SYTL5: variants seen among roughly 807,000 people sequenced by gnomAD.
SYTL5 encodes synaptotagmin like 5, also known as synaptotagmin-like protein 5.
In SYTL5, 34 loss-of-function variants were observed where a neutral mutation model predicts 55.9. That is an observed-to-expected ratio of 0.61 (90% CI 0.46 to 0.81). The LOEUF (loss-of-function observed/expected upper bound fraction) is 0.81, where lower values mean the gene tolerates loss of function less well. SYTL5 is among the 30% of genes least tolerant of loss of function. The pLI, the probability that SYTL5 is intolerant of heterozygous loss-of-function variation, is 0.00. For missense variants in SYTL5, 637 were observed against 546.7 expected (o/e 1.17, Z -1.65); for synonymous variants, 221 against 188.7 (o/e 1.17, Z -1.40).
At chrX:38,074,629 G>T (rs1043577072) in intron 5 of SYTL5, among the ~76,000 whole-genome samples, 21 of 111,694 alleles carry the variant, frequency 1.9e-4, no homozygotes, top group African/African-American at 6.5e-4. Context: ...AGTGTTAGAA[G>T]ATTTATCTGG....
the SYTL5 span, among the ~76,000 whole-genome samples, chrX:37,903,896 C>T: frequency 9.0e-6 from 1 of 110,864 alleles, no homozygotes; most frequent in African/African-American, 3.3e-5. Flanking sequence ...CCCACAGCAC[C>T]TTTGTACACA....
chrX:38,041,789 C>A (rs190209044), intron 2 of SYTL5, among the ~76,000 whole-genome samples: 66 of 112,041 alleles, frequency 5.9e-4, no homozygotes, highest in African/African-American at 2.0e-3. Flanking sequence ...TTGGATTGTC[C>A]AAATAAATAA....
the SYTL5 span, among the ~76,000 whole-genome samples, chrX:37,998,210 A>G: frequency 1.8e-5 from 2 of 112,637 alleles, no homozygotes; most frequent in African/African-American, 6.5e-5. Flanking sequence ...TGGTCACAAG[A>G]CAAGAACTCA....
chrX:37,962,697 C>A, the SYTL5 span, among the ~76,000 whole-genome samples: 5 of 112,006 alleles, frequency 4.5e-5, no homozygotes, highest in East Asian at 5.6e-4. Flanking sequence ...TCAACAGTGT[C>A]AAAGTGTTCC....
the SYTL5 span, among the ~76,000 whole-genome samples, chrX:37,966,436 C>CTTTTT: frequency 2.2e-4 from 17 of 78,147 alleles, no homozygotes; most frequent in Non-Finnish European, 3.1e-4. Flanking sequence ...TTTTCTTTTT[C>CTTTTT]TTTTTTTTTT....
intron 13 of SYTL5, among the ~76,000 whole-genome samples, chrX:38,119,426 A>G (rs982927825): frequency 5.3e-5 from 6 of 112,478 alleles, no homozygotes; most frequent in African/African-American, 1.9e-4. Flanking sequence ...CATAAATGAA[A>G]TCATAAAGTA....
At chrX:37,984,889 A>G in the SYTL5 span, among the ~76,000 whole-genome samples, 1 of 112,242 alleles carries the variant, frequency 8.9e-6, no homozygotes, top group Admixed American at 9.4e-5. Flanking sequence ...TAATAGTCTC[A>G]ATTGATTTAG....
chrX:38,036,043 C>T (rs7880046), intron 2 of SYTL5, among the ~76,000 whole-genome samples: 25,467 of 110,914 alleles, frequency 0.23, 5,223 homozygotes, highest in African/African-American at 0.65. Flanking sequence ...CAGTGGCTCA[C>T]GTCTGTAATC....
At chrX:37,914,952 G>A in the SYTL5 span, among the ~76,000 whole-genome samples, 1 of 110,738 alleles carries the variant, frequency 9.0e-6, no homozygotes, top group Non-Finnish European at 1.9e-5. Flanking sequence ...TTTTTCTTAC[G>A]GCCCTTCAGG....
intron 3 of SYTL5, among the ~76,000 whole-genome samples, chrX:38,056,173 T>A (rs1313807721): frequency 8.9e-6 from 1 of 111,754 alleles, no homozygotes; most frequent in Non-Finnish European, 1.9e-5. Context: ...TGAGTTAAAT[T>A]GTTTTAATTT....
intron 2 of SYTL5, among the ~76,000 whole-genome samples, chrX:38,034,215 G>A (rs1195842827): frequency 2.7e-5 from 3 of 111,755 alleles, no homozygotes; most frequent in African/African-American, 9.8e-5. Context: ...CTAATAAAGT[G>A]GTATTGATGA....
At chrX:38,098,565 A>G (rs1233119529) in intron 9 of SYTL5, among the ~76,000 whole-genome samples, 4 of 110,754 alleles carry the variant, frequency 3.6e-5, no homozygotes, top group Non-Finnish European at 3.8e-5. Context: ...GAGGATGCGG[A>G]GAAATTGGAA....
At chrX:38,023,233 C>T (rs773420725) in intron 1 of SYTL5, among the ~76,000 whole-genome samples, 2 of 112,131 alleles carry the variant, frequency 1.8e-5, no homozygotes, top group South Asian at 7.4e-4. Flanking sequence ...GCACATTCTC[C>T]ATCTTCCCTA....
chrX:37,974,300 G>A, the SYTL5 span, among the ~76,000 whole-genome samples: 6 of 112,299 alleles, frequency 5.3e-5, no homozygotes, highest in Non-Finnish European at 7.5e-5. Flanking sequence ...AATGAACCTT[G>A]AAAACATTAT....
the SYTL5 span, among the ~76,000 whole-genome samples, chrX:37,997,793 G>T: frequency 1.8e-5 from 2 of 112,581 alleles, no homozygotes; most frequent in Admixed American, 1.9e-4. Context: ...AAAGCTGGGG[G>T]CTGGACTGCA....
the SYTL5 span, among the ~76,000 whole-genome samples, chrX:37,954,667 T>C: frequency 0.013 from 1,405 of 112,089 alleles, 11 homozygotes; most frequent in Non-Finnish European, 0.02. Context: ...AATCAAAACA[T>C]AACAGATGTT....
At chrX:38,011,229 T>A (rs1331251639) in intron 1 of SYTL5, among the ~76,000 whole-genome samples, 1 of 112,630 alleles carries the variant, frequency 8.9e-6, no homozygotes, top group Non-Finnish European at 1.9e-5. Flanking sequence ...AGTAATCCAA[T>A]GTCCAGTAAT....
chrX:38,038,538 A>G (rs1935185462), intron 2 of SYTL5, among the ~76,000 whole-genome samples: 1 of 112,470 alleles, frequency 8.9e-6, no homozygotes, highest in African/African-American at 3.2e-5. Flanking sequence ...ATAGAGGTAC[A>G]AATGGATATT....
the SYTL5 span, among the ~76,000 whole-genome samples, chrX:37,935,417 C>T: frequency 7.1e-5 from 8 of 111,909 alleles, no homozygotes; most frequent in African/African-American, 2.6e-4. Context: ...AATAAAGAAC[C>T]CAGGTAAAGA....
Sources: gnomAD v4.1 joint callset for allele counts (sites outside exome capture counted in the v4.1 genomes callset) on GRCh38, gnomAD v4.1.1 for gene constraint, MANE v1.5 for transcripts, NCBI Gene and HGNC (gene_info 2026-07-23, HGNC 2026-07-21) for gene names.